The following CCDC180 variants were observed in gnomAD, a reference collection of about 807,000 sequenced individuals.
CCDC180 encodes coiled-coil domain containing 180, also known as coiled-coil domain-containing protein 180.
CCDC180 carries 154 observed loss-of-function variants against 209.2 expected under a neutral mutation model. That is an observed-to-expected ratio of 0.74 (90% confidence interval 0.65 to 0.84). CCDC180 has a LOEUF of 0.84. Among genes scored for constraint, CCDC180 ranks in the 40% least tolerant of loss-of-function variants. The pLI is 0.00. For missense variants in CCDC180, 1,874 were observed against 1,997.3 expected (o/e 0.94, Z 1.18); for synonymous variants, 778 against 749.1 (o/e 1.04, Z -0.63).
chr9:97,319,618 C>T (rs867804508), intron 10 of CCDC180, among the ~76,000 whole-genome samples: 6 of 152,194 alleles, frequency 3.9e-5, no homozygotes, highest in African/African-American at 7.2e-5. Flanking sequence ...TGTAGGATAA[C>T]GGCCTCCAGC....
rs1827279423 is a variant in CCDC180 at position 97,377,058 on chromosome 9, TGCCC to T, written c.*165_*168del. ...AGCGAACAGGACACAGCATGGTCCCTGCCCACGTGGAGCCCTCTTCCCATGAGGA... is the reference window on the plus strand; with the variant it reads ...AGCGAACAGGACACAGCATGGTCCCTACGTGGAGCCCTCTTCCCATGAGGA... On this transcript the variant is annotated 3_prime_UTR_variant, in exon 37 of 37. Coordinates refer to ENST00000529487, the MANE Select transcript of CCDC180 (RefSeq NM_020893.6). 4 of 650,994 alleles carry T rather than the reference TGCCC, an allele frequency of 6.1e-6. No individual in the cohort carries two copies. Among genetic ancestry groups the T allele is most frequent in the Non-Finnish European group, 9.5e-6 (4 of 421,850 alleles). The allele number at this position is 650,994 out of a possible 1,614,324, so 40.3% of individuals were successfully genotyped here. A position where few individuals can be genotyped will look rare whatever the true frequency, so the allele number is the denominator to read the frequency against.
At chr9:97,338,545 G>C (rs1052896359) in intron 18 of CCDC180, among the ~76,000 whole-genome samples, 4 of 152,210 alleles carry the variant, frequency 2.6e-5, no homozygotes, top group Admixed American at 6.5e-5. Context: ...TGTGATTTCT[G>C]TTCTTTTACA....
chr9:97,359,840 G>C, intron 25 of CCDC180, 142 bp from the exon 26 acceptor site: 1 of 1,079,806 alleles, frequency 9.3e-7, no homozygotes, highest in Non-Finnish European at 1.3e-6. Context: ...CTCCCCAAGG[G>C]CCTTCCCTGC....
intron 18 of CCDC180, among the ~76,000 whole-genome samples, chr9:97,339,236 G>A (rs1230641931): frequency 6.6e-6 from 1 of 152,204 alleles, no homozygotes. Flanking sequence ...ATTAGTTGAT[G>A]CAGTTTCTTC....
In CCDC180 at chr9:97,349,182, C is replaced by G; in HGVS notation, c.2746C>G (p.Arg916Gly). Reference sequence around the variant, plus strand: ...GGTGACCGAGACGCTGAAGAAGAAGCGGCTGATGTTCTGCCAGTTCCAAGA... The same window carrying G: ...GGTGACCGAGACGCTGAAGAAGAAGGGGCTGATGTTCTGCCAGTTCCAAGA... ...AGVTETLKKK[R>G]LMFCQFQEEQ... The change falls in exon 21 of 37, where the codon CGG becomes GGG. Residue 916 changes from arginine (R) to glycine (G), a missense_variant. Physicochemically the swap from Arg to Gly is moderately radical, Grantham distance 125. Transcript: ENST00000529487. 6.5e-7 allele frequency: 1 copy of G among 1,536,376 alleles called. No individual in the cohort carries two copies. Among genetic ancestry groups the G allele is most frequent in the Non-Finnish European group, 8.7e-7 (1 of 1,146,976 alleles).
In CCDC180 at chr9:97,378,025, C is replaced by G. The variant is rs1302507939; in HGVS notation, c.*1131C>G. 1 of 152,110 alleles carries G rather than the reference C, an allele frequency of 6.6e-6. No individual in the cohort carries two copies. The highest frequency in any genetic ancestry group is 1.5e-5 in the Non-Finnish European group (1 of 68,056). 9.4% of individuals were successfully genotyped at this position (152,110 alleles called of 1,614,324 possible). ...GAGGCAACATGACGAAACCCCATAT[C>G]TACTAAAAATACAAAAAGTTAGCCA... On this transcript the variant is annotated 3_prime_UTR_variant, in exon 37 of 37. Transcript: ENST00000529487.
At chr9:97,352,941 G>T (rs752907972) in intron 22 of CCDC180, among the ~76,000 whole-genome samples, 1 of 136,324 alleles carries the variant, frequency 7.3e-6, no homozygotes, top group African/African-American at 2.9e-5. Context: ...ATACATATAC[G>T]TATGTATATA....
In CCDC180 at chr9:97,362,534, A is replaced by AGAAG. The variant is rs990972842; in HGVS notation, c.3902+95_3902+98dup. 2.2e-5 allele frequency: 33 copies of AGAAG among 1,526,766 alleles called. No individual in the cohort carries two copies. In the African/African-American group the frequency reaches 3.8e-4, roughly 18 times the overall value. The allele number at this position is 1,526,766 out of a possible 1,614,324, so 94.6% of individuals were successfully genotyped here. On this transcript the variant is annotated intron_variant, in intron 28 of 36. Coordinates refer to ENST00000529487, the MANE Select transcript of CCDC180 (RefSeq NM_020893.6). ...CTATGGCTTTCCCAGGCTTTTCCTC[A>AGAAG]GAAGGCACCACAATGCTCATGGCTC...
chr9:97,341,196 C>T (rs1160604492), intron 18 of CCDC180, among the ~76,000 whole-genome samples: 1 of 152,124 alleles, frequency 6.6e-6, no homozygotes, highest in East Asian at 1.9e-4. Context: ...GCTTTGTATC[C>T]AATAAATAAC....
rs145007006 is a variant in CCDC180, at chr9:97,342,280, C to T, written c.2275-1060C>T. Among the ~76,000 whole-genome samples the T allele has an allele frequency of 3.5e-3, 537 of 152,250 alleles. 3 individuals carry two copies. Among genetic ancestry groups the T allele is most frequent in the African/African-American group, 0.012 (514 of 41,532 alleles). Reference sequence around the variant, plus strand: ...GTTGATCGTGCTGGGAGCTGCAGACCGGAGCTGTTCCTATTTGGCCATCTT... The same window carrying T: ...GTTGATCGTGCTGGGAGCTGCAGACTGGAGCTGTTCCTATTTGGCCATCTT... On this transcript the variant is annotated intron_variant, in intron 18 of 36. Transcript: ENST00000529487.
intron 19 of CCDC180, among the ~76,000 whole-genome samples, chr9:97,344,102 C>A (rs1826175939): frequency 6.6e-6 from 1 of 152,134 alleles, no homozygotes; most frequent in Admixed American, 6.5e-5. Flanking sequence ...AGAGAAATGA[C>A]CCATAATCCC....
At position 97,366,557 on chromosome 9, in the gene CCDC180, A is replaced by T; in HGVS notation, c.4048-2A>T. 1.2e-6 allele frequency: 2 copies of T among 1,611,084 alleles called. No homozygotes were observed. Among genetic ancestry groups the T allele is most frequent in the Non-Finnish European group, 8.5e-7 (1 of 1,178,210 alleles). On this transcript the variant is annotated splice_acceptor_variant, in intron 30 of 36. Transcript: ENST00000529487. LOFTEE classifies it high-confidence loss of function. This position sits in a 1 kb window ranked among gnomAD's most constrained non-coding sequence, Gnocchi z 4.3. ...CCCGCACATGGTCACCCTCTCTGGC[A>T]GGAGTTCTACCGTAAAGAAAAACGC...
chr9:97,324,030 A>G, intron 13 of CCDC180, 127 bp downstream of exon 13: 1 of 1,167,412 alleles, frequency 8.6e-7, no homozygotes. Flanking sequence ...CACCCTTGTC[A>G]GCCCCTCTCA....
chr9:97,338,555 A>G (rs1825980289), intron 18 of CCDC180, among the ~76,000 whole-genome samples: 1 of 152,110 alleles, frequency 6.6e-6, no homozygotes, highest in African/African-American at 2.4e-5. Flanking sequence ...GTTCTTTTAC[A>G]TTTGCTGAGA....
At position 97,311,277 on chromosome 9, in the gene CCDC180, T is replaced by C. The variant is rs533314833; in HGVS notation, c.261-836T>C. 4.6e-5 allele frequency among the ~76,000 whole-genome samples: 7 copies of C among 152,292 alleles called. No homozygotes were observed. In the South Asian group the frequency reaches 1.5e-3, roughly 32 times the overall value. The stretch of plus-strand genomic sequence containing the variant: ...ACAGGGCTGCCTTGGTCCAGGGGCA[T>C]TTAGAATGACAAGGTCTGAAAGACC... On this transcript the variant is annotated intron_variant, in intron 3 of 36. Transcript: ENST00000529487.
chr9:97,366,536 C>T lies in CCDC180; in HGVS notation c.4048-23C>T, dbSNP rs770285813. ...CAGAGTCCCATGGAGTCCTCACCCG[C>T]ACATGGTCACCCTCTCTGGCAGGAG... On this transcript the variant is annotated intron_variant, in intron 30 of 36. Transcript: ENST00000529487. The surrounding 1 kb of genome is among the most constrained non-coding windows in gnomAD (Gnocchi z 4.3). 5 of 1,611,904 alleles carry T rather than the reference C, an allele frequency of 3.1e-6. No individual in the cohort carries two copies. The South Asian group carries it at 5.5e-5, about 18-fold the overall frequency.
chr9:97,316,984 A>G (rs777042037), intron 8 of CCDC180, 81 bp from the exon 9 acceptor site: 500 of 1,380,218 alleles, frequency 3.6e-4, no homozygotes, highest in Non-Finnish European at 3.8e-4. Context: ...CCAGCCTCCC[A>G]CTGCTCCTCT....
In CCDC180 at chr9:97,330,161, C is replaced by G. The variant is rs1451375193; in HGVS notation, c.1796C>G (p.Ala599Gly). ...FVREIFEQNLAGEVIFKFRQP... is the reference protein window; with the variant it reads ...FVREIFEQNLGGEVIFKFRQP... ...CTTGGTTTTTCCTTGTAGAACTTGG[C>G]TGGAGAAGTCATTTTCAAATTCAGG... is the stretch of plus-strand genomic sequence containing the variant. The change falls in exon 17 of 37, where the codon GCT becomes GGT. Residue 599 changes from alanine (A) to glycine (G), a missense_variant. Physicochemically the swap from Ala to Gly is moderately conservative, Grantham distance 60 (BLOSUM62 0). Transcript: ENST00000529487. 28 of 1,609,602 alleles carry G rather than the reference C, an allele frequency of 1.7e-5. No homozygotes were observed. Among genetic ancestry groups the G allele is most frequent in the Non-Finnish European group, 2.3e-5 (27 of 1,177,904 alleles).
At chr9:97,344,954 C>T (rs10435865) in intron 19 of CCDC180, among the ~76,000 whole-genome samples, 83,190 of 152,020 alleles carry the variant, frequency 0.55, 24,131 homozygotes, top group African/African-American at 0.73. Context: ...CTTATTTTTT[C>T]ACTTTATCTA....
Sources: allele counts gnomAD v4.1 joint callset (sites outside exome capture counted in the v4.1 genomes callset), GRCh38; gene constraint gnomAD v4.1.1; non-coding constraint Gnocchi (gnomAD v3.1); transcripts MANE v1.5; gene names NCBI Gene and HGNC (gene_info 2026-07-23, HGNC 2026-07-21).